WDR27: variants seen among roughly 807,000 people sequenced by gnomAD.
WDR27 encodes WD repeat-containing protein 27.
Under a neutral mutation model 114.4 loss-of-function variants are expected in WDR27, and 100 were observed. That is an observed-to-expected ratio of 0.87 (90% confidence interval 0.74 to 1.03). WDR27 has a LOEUF of 1.03. WDR27 is among the 50% of genes least tolerant of loss of function. The pLI is 0.00. For missense variants in WDR27, 1,129 were observed against 1,092.9 expected, an observed-to-expected ratio of 1.03 and a Z score of -0.47; for synonymous variants, 449 against 423.1, an observed-to-expected ratio of 1.06 and a Z score of -0.75.
At chr6:169,699,497 G>T (rs568996417) in intron 1 of WDR27, among the ~76,000 whole-genome samples, 2 of 152,176 alleles carry the variant, frequency 1.3e-5, no homozygotes, top group African/African-American at 4.8e-5. Context: ...TGCTGTGCTC[G>T]TGAGGACACG....
At chr6:169,427,727 G>T in the WDR27 span, among the ~76,000 whole-genome samples, 3 of 150,736 alleles carry the variant, frequency 2.0e-5, no homozygotes, top group African/African-American at 7.3e-5. Flanking sequence ...AGAAACAAGG[G>T]TGTCAAAAAT....
chr6:169,672,306 C>T lies in WDR27; in HGVS notation c.280G>A (p.Asp94Asn), dbSNP rs759143944. Residue 94 changes from aspartate to asparagine, a missense_variant, in exon 3 of 26, where the codon GAT becomes AAT. Coordinates refer to ENST00000448612, the MANE Select transcript of WDR27 (RefSeq NM_182552.5). Reference sequence around the variant, plus strand: ...TCCAGGTTCCACATTATAACATAATCCAGTGATGCTGAGCAGATTAGAAGT... The same window carrying T: ...TCCAGGTTCCACATTATAACATAATTCAGTGATGCTGAGCAGATTAGAAGT... ...NPLLICSASL[D>N]YVIMWNLDEC... 2 of 1,613,622 alleles carry T rather than the reference C, an allele frequency of 1.2e-6. No homozygotes were observed. The highest frequency in any genetic ancestry group is 1.7e-6 in the Non-Finnish European group (2 of 1,179,750).
chr6:169,545,954 CG>C (rs1213211748), intron 25 of WDR27, among the ~76,000 whole-genome samples: 1 of 151,880 alleles, frequency 6.6e-6, no homozygotes, highest in Non-Finnish European at 1.5e-5. Flanking sequence ...AAAGGGTAAG[CG>C]ATATGAACAG....
chr6:169,638,607 G>C lies in WDR27; in HGVS notation c.1801C>G (p.Leu601Val), dbSNP rs202243345. 378 of 1,608,760 alleles carry C rather than the reference G, an allele frequency of 2.3e-4. No homozygotes were observed. The Middle Eastern group carries it at 5.5e-3, about 23-fold the overall frequency. The change falls in exon 18 of 26, where the codon CTC (leucine) becomes GTC (valine). Residue 601 changes from leucine to valine, a missense_variant. Transcript: ENST00000448612. ...VCWSQDRRWL[L>V]SAARDGTLRM... ...AGGGTCCCGTCCCGGGCCGCAGAGA[G>C]CAGCCACCTCCGGTCCTGGCTCCAG...
chr6:169,596,110 T>A (rs1427825745), intron 23 of WDR27, among the ~76,000 whole-genome samples: 1 of 152,068 alleles, frequency 6.6e-6, no homozygotes, highest in African/African-American at 2.4e-5. Flanking sequence ...CTAGTCTGAG[T>A]CAATTTTCCC....
chr6:169,542,696 G>A (rs1252904305), intron 25 of WDR27, among the ~76,000 whole-genome samples: 2 of 151,994 alleles, frequency 1.3e-5, no homozygotes, highest in Non-Finnish European at 2.9e-5. Context: ...GATGTCCCAG[G>A]TCTTAGGGAA....
intron 25 of WDR27, among the ~76,000 whole-genome samples, chr6:169,509,694 C>T (rs1158291203): frequency 6.6e-6 from 1 of 151,960 alleles, no homozygotes; most frequent in Non-Finnish European, 1.5e-5. Context: ...AAAACCTAGG[C>T]AATACCATTC....
intron 7 of WDR27, chr6:169,664,763 G>T (rs4072462): frequency 0.21 from 207,446 of 993,990 alleles, 23,218 homozygotes; most frequent in African/African-American, 0.41. Flanking sequence ...GAACTTAAAA[G>T]GCTCACCTAA....
intron 24 of WDR27, among the ~76,000 whole-genome samples, chr6:169,578,105 T>C (rs1424125306): frequency 6.6e-6 from 1 of 152,216 alleles, no homozygotes; most frequent in Non-Finnish European, 1.5e-5. Flanking sequence ...GTGTCATCGC[T>C]CCGCAGTGCT....
At chr6:169,511,435 T>G (rs1290758285) in intron 25 of WDR27, among the ~76,000 whole-genome samples, 1 of 152,224 alleles carries the variant, frequency 6.6e-6, no homozygotes, top group East Asian at 1.9e-4. Context: ...ATATTTGCAA[T>G]TAATTTTGAT....
At chr6:169,452,311 G>A (rs1206352491), downstream of WDR27, among the ~76,000 whole-genome samples, 1 of 152,208 alleles carries the variant, frequency 6.6e-6, no homozygotes, top group Non-Finnish European at 1.5e-5. Context: ...CTCCTTGCTT[G>A]AAAGAAACGT....
rs1484067519 is a variant in WDR27, at chr6:169,662,428, G to C, written c.905-4C>G. Reference sequence around the variant, plus strand: ...GTAGAGGGAAGCTGGCTTTCTTCTAGGGACAGAATTATTGAGAATCTAAGA... The same window carrying C: ...GTAGAGGGAAGCTGGCTTTCTTCTACGGACAGAATTATTGAGAATCTAAGA... On this transcript the variant is annotated splice_polypyrimidine_tract_variant and splice_region_variant and intron_variant, in intron 8 of 25. Coordinates refer to ENST00000448612, the MANE Select transcript of WDR27 (RefSeq NM_182552.5). The C allele has an allele frequency of 6.2e-7, 1 of 1,613,770 alleles. No individual in the cohort carries two copies. Among genetic ancestry groups the C allele is most frequent in the South Asian group, 1.1e-5 (1 of 91,038 alleles).
chr6:169,545,858 T>C (rs561721128), intron 25 of WDR27, among the ~76,000 whole-genome samples: 1 of 152,192 alleles, frequency 6.6e-6, no homozygotes, highest in South Asian at 2.1e-4. Context: ...ACATAGTAAT[T>C]ATATATACAT....
At chr6:169,672,827 A>G (rs750890283) in intron 2 of WDR27, among the ~76,000 whole-genome samples, 1 of 152,240 alleles carries the variant, frequency 6.6e-6, no homozygotes, top group Non-Finnish European at 1.5e-5. Flanking sequence ...GGCTGGAGAA[A>G]GGTGAGGCCC....
chr6:169,614,555 G>T (rs1811347115), intron 21 of WDR27, among the ~76,000 whole-genome samples: 1 of 152,010 alleles, frequency 6.6e-6, no homozygotes, highest in South Asian at 2.1e-4. Context: ...AGGTGTGGTG[G>T]TGTGTGCCTG....
At chr6:169,656,730 C>T (rs1298205285) in intron 13 of WDR27, among the ~76,000 whole-genome samples, 1 of 152,224 alleles carries the variant, frequency 6.6e-6, no homozygotes, top group Non-Finnish European at 1.5e-5. Context: ...CGCATTAGGC[C>T]GCAGCAGCCC....
intron 25 of WDR27, among the ~76,000 whole-genome samples, chr6:169,495,742 A>G (rs1048978552): frequency 2.1e-4 from 32 of 152,120 alleles, no homozygotes; most frequent in African/African-American, 7.2e-4. Flanking sequence ...GCACATCTGA[A>G]TACACTTATC....
chr6:169,578,291 C>T (rs1562618621), intron 24 of WDR27, among the ~76,000 whole-genome samples: 1 of 152,140 alleles, frequency 6.6e-6, no homozygotes, highest in South Asian at 2.1e-4. Context: ...TGTGGGCTGC[C>T]GTTTGGGATA....
At chr6:169,502,863 G>C (rs1791514554) in intron 25 of WDR27, among the ~76,000 whole-genome samples, 1 of 152,122 alleles carries the variant, frequency 6.6e-6, no homozygotes, top group Admixed American at 6.6e-5. Context: ...ACCCATTCTT[G>C]AGGGGAAGCC....
Sources: allele counts gnomAD v4.1 joint callset (sites outside exome capture counted in the v4.1 genomes callset), GRCh38; gene constraint gnomAD v4.1.1; transcripts MANE v1.5; gene names NCBI Gene and HGNC (gene_info 2026-07-23, HGNC 2026-07-21).